ITSN2: variants seen among roughly 807,000 people sequenced by gnomAD.
ITSN2 encodes intersectin 2, also known as intersectin-2.
A neutral mutation model predicts 243.7 loss-of-function variants in ITSN2; 156 were observed. The ratio of observed to expected loss-of-function variants is 0.64; its 90% CI spans 0.56 to 0.73. ITSN2 has a LOEUF of 0.73. ITSN2 is among the 30% of genes least tolerant of loss of function. ITSN2 has a pLI of 0.00. For missense variants in ITSN2, 1,801 were observed against 1,996.1 expected (o/e 0.90, Z 1.86); for synonymous variants, 703 against 699.9 (o/e 1.00, Z -0.07).
At chr2:24,361,141 G>A (rs571652516), upstream of ITSN2, among the ~76,000 whole-genome samples, 1 of 152,272 alleles carries the variant, frequency 6.6e-6, no homozygotes, top group South Asian at 2.1e-4. Flanking sequence ...GCGCCCACGA[G>A]GAGCACCCTC....
chr2:24,287,663 A>T (rs1294114786), intron 15 of ITSN2, among the ~76,000 whole-genome samples: 2 of 152,126 alleles, frequency 1.3e-5, no homozygotes, highest in Non-Finnish European at 2.9e-5. Flanking sequence ...CCAACAGTGT[A>T]CATGGGTTCC....
chr2:24,322,387 AAG>A (rs1684677719), intron 2 of ITSN2, among the ~76,000 whole-genome samples: 1 of 152,164 alleles, frequency 6.6e-6, no homozygotes, highest in Non-Finnish European at 1.5e-5. Flanking sequence ...AGGCTTAATT[AAG>A]AGTCTTAAAC....
At chr2:24,329,261 T>G (rs199843130) in intron 1 of ITSN2, among the ~76,000 whole-genome samples, 138 of 152,016 alleles carry the variant, frequency 9.1e-4, no homozygotes, top group Middle Eastern at 3.4e-3. Context: ...TTTTTTTTTT[T>G]GTTTGTTTTG....
At chr2:24,302,356 G>A (rs868710563) in intron 9 of ITSN2, among the ~76,000 whole-genome samples, 1 of 151,866 alleles carries the variant, frequency 6.6e-6, no homozygotes, top group East Asian at 1.9e-4. Context: ...CCGCCACCAC[G>A]CCTGGCTAAT....
intron 29 of ITSN2, among the ~76,000 whole-genome samples, chr2:24,244,277 C>A (rs946273604): frequency 1.3e-5 from 2 of 152,088 alleles, no homozygotes; most frequent in African/African-American, 4.8e-5. Flanking sequence ...ACTGTTACTG[C>A]CTTGAAGTAG....
intron 29 of ITSN2, among the ~76,000 whole-genome samples, chr2:24,232,276 A>G (rs931172258): frequency 3.3e-5 from 5 of 152,242 alleles, no homozygotes; most frequent in African/African-American, 1.2e-4. Context: ...CTATTTGCCT[A>G]TCAGAAAATA....
chr2:24,279,263 T>C (rs545824564), intron 17 of ITSN2, among the ~76,000 whole-genome samples: 13 of 152,302 alleles, frequency 8.5e-5, no homozygotes, highest in African/African-American at 2.6e-4. Context: ...CTTGGAAGCA[T>C]AGGGTTAAGA....
chr2:24,329,301 C>T (rs1043472280), intron 1 of ITSN2, among the ~76,000 whole-genome samples: 1 of 152,040 alleles, frequency 6.6e-6, no homozygotes, highest in Admixed American at 6.6e-5. Flanking sequence ...CGCTCTGTCG[C>T]CCAGGCTGGA....
In ITSN2 at chr2:24,306,032, T is replaced by G. The variant is rs1418273080; in HGVS notation, c.794-2170A>C. Among the ~76,000 whole-genome samples, 3 of 152,168 alleles carry G rather than the reference T, an allele frequency of 2.0e-5. 1 individual carries two copies. Among genetic ancestry groups the G allele is most frequent in the Non-Finnish European group, 4.4e-5 (3 of 68,022 alleles). On this transcript the variant is annotated intron_variant, in intron 8 of 39. Transcript: ENST00000355123. ...TCTAGTTCTGTCACCCAGGCTGGAG[T>G]GCAGTGGCATGATCTCAGCTCACTG... is the stretch of plus-strand genomic sequence containing the variant.
chr2:24,250,054 T>C (rs1291696621), intron 25 of ITSN2, among the ~76,000 whole-genome samples: 1 of 152,210 alleles, frequency 6.6e-6, no homozygotes, highest in African/African-American at 2.4e-5. Flanking sequence ...CTTAATAATG[T>C]CTTTAATGAA....
Position 24,211,955 on chromosome 2 carries a change from C to A in ITSN2, c.4089+695G>T, listed in dbSNP as rs1208230918. Among the ~76,000 whole-genome samples, 1 of 152,208 alleles carries A rather than the reference C, an allele frequency of 6.6e-6. No individual in the cohort carries two copies. Among genetic ancestry groups the A allele is most frequent in the African/African-American group, 2.4e-5 (1 of 41,442 alleles). On this transcript the variant is annotated intron_variant, in intron 33 of 39. Transcript: ENST00000355123. This position sits in a 1 kb window ranked among gnomAD's most constrained non-coding sequence, Gnocchi z 4.1. ...GTCTATGTTGAGGTCACACAGCTAA[C>A]AGACCAAAAGTCAAGGAATCATCAA...
At chr2:24,298,220 C>T (rs1042110009) in intron 13 of ITSN2, among the ~76,000 whole-genome samples, 11 of 152,040 alleles carry the variant, frequency 7.2e-5, no homozygotes, top group African/African-American at 1.9e-4. Flanking sequence ...TGCAGTGGCG[C>T]GATCTCAGCT....
intron 2 of ITSN2, among the ~76,000 whole-genome samples, chr2:24,320,065 A>G (rs1466252113): frequency 6.6e-6 from 1 of 152,198 alleles, no homozygotes; most frequent in Non-Finnish European, 1.5e-5. Flanking sequence ...GATTCAGGCC[A>G]GGTAGAAAAG....
chr2:24,357,475 G>T (rs573650438), intron 1 of ITSN2, among the ~76,000 whole-genome samples: 8 of 151,992 alleles, frequency 5.3e-5, no homozygotes, highest in African/African-American at 9.7e-5. Context: ...GACCTGTTGT[G>T]GGGGGGCAAT....
intron 36 of ITSN2, among the ~76,000 whole-genome samples, chr2:24,208,645 C>T (rs140362204): frequency 1.0e-3 from 154 of 152,326 alleles, no homozygotes; most frequent in Admixed American, 1.3e-3. Context: ...CCCGGGTTGG[C>T]GCCGCGGAGG....
At position 24,249,967 on chromosome 2, in the gene ITSN2, C is replaced by A. The variant is rs960006724; in HGVS notation, c.3121-1085G>T. 5.3e-5 allele frequency among the ~76,000 whole-genome samples: 8 copies of A among 152,204 alleles called. No individual in the cohort carries two copies. The highest frequency in any genetic ancestry group is 1.0e-4 in the Non-Finnish European group (7 of 68,040). On this transcript the variant is annotated intron_variant, in intron 25 of 39. Transcript: ENST00000355123. This position sits in a 1 kb window ranked among gnomAD's most constrained non-coding sequence, Gnocchi z 4.4. ...ATTGGTGCTTTAGTGTGAATCATGGCAGTGGCACCAAATGACACTGAAGTA... is the reference window on the plus strand; with the variant it reads ...ATTGGTGCTTTAGTGTGAATCATGGAAGTGGCACCAAATGACACTGAAGTA...
At chr2:24,289,706 C>T (rs1370116250) in intron 15 of ITSN2, among the ~76,000 whole-genome samples, 1 of 152,204 alleles carries the variant, frequency 6.6e-6, no homozygotes, top group African/African-American at 2.4e-5. Context: ...ATCCAACCTG[C>T]AGGCCATGGG....
At chr2:24,229,543 T>G (rs1671373368) in intron 29 of ITSN2, among the ~76,000 whole-genome samples, 1 of 152,086 alleles carries the variant, frequency 6.6e-6, no homozygotes. Flanking sequence ...GAGCCAAGAT[T>G]GTGCCACTGC....
intron 32 of ITSN2, among the ~76,000 whole-genome samples, chr2:24,215,665 TA>T (rs59939223): frequency 0.4 from 51,784 of 128,558 alleles, 10,170 homozygotes; most frequent in African/African-American, 0.49. Flanking sequence ...AGATTCTGTT[TA>T]AAAAAAAAAA....
Sources: gnomAD v4.1 joint callset for allele counts (sites outside exome capture counted in the v4.1 genomes callset) on GRCh38, gnomAD v4.1.1 for gene constraint, Gnocchi (gnomAD v3.1) non-coding constraint, MANE v1.5 for transcripts, NCBI Gene and HGNC (gene_info 2026-07-23, HGNC 2026-07-21) for gene names.